Variants in NKAIN1 observed in about 807,000 individuals in gnomAD.
NKAIN1 encodes sodium/potassium transporting ATPase interacting 1.
NKAIN1 carries 13 observed loss-of-function variants against 31.6 expected under a neutral mutation model. The ratio of observed to expected loss-of-function variants is 0.41; its 90% CI spans 0.27 to 0.65. The LOEUF is 0.65. NKAIN1 is among the 30% of genes least tolerant of loss of function. The pLI, the probability that NKAIN1 is intolerant of heterozygous loss-of-function variation, is 0.30. For missense variants in NKAIN1, 193 were observed against 262.2 expected (o/e 0.74, Z 1.82); for synonymous variants, 104 against 109.0 (o/e 0.95, Z 0.28).
At chr1:31,211,204 A>G (rs1645466336) in intron 1 of NKAIN1, among the ~76,000 whole-genome samples, 1 of 152,176 alleles carries the variant, frequency 6.6e-6, no homozygotes, top group Admixed American at 6.6e-5. Context: ...ACTGGAAAAG[A>G]AGAAGTAAAA....
At chr1:31,190,244 G>A (rs984588360) in intron 1 of NKAIN1, among the ~76,000 whole-genome samples, 2 of 152,226 alleles carry the variant, frequency 1.3e-5, no homozygotes, top group Non-Finnish European at 2.9e-5. Flanking sequence ...GGAAGCTGCA[G>A]GCTTGGGTAA....
rs1256036021 is a variant in NKAIN1 at position 31,181,902 on chromosome 1, G to A, written c.572C>T (p.Ala191Val). ...IGGFDSYGYQ[A>V]PQKTSHLQLQ... ...CTGTAAATGCGACGTCTTCTGGGGC[G>A]CCTGGTATCCGTAGGAGTCAAAGCC... Residue 191 changes from alanine to valine, a missense_variant, in exon 6 of 7, where the codon GCG (alanine) becomes GTG (valine). Coordinates refer to ENST00000373736, the MANE Select transcript of NKAIN1 (RefSeq NM_024522.3). 1.2e-6 allele frequency: 2 copies of A among 1,608,040 alleles called. No individual in the cohort carries two copies. The highest frequency in any genetic ancestry group is 1.1e-5 in the South Asian group (1 of 89,800).
At chr1:31,193,092 G>A (rs1421149627) in intron 1 of NKAIN1, among the ~76,000 whole-genome samples, 39 of 149,254 alleles carry the variant, frequency 2.6e-4, no homozygotes, top group Admixed American at 2.3e-3. Context: ...TTTTTGAGAC[G>A]GAGTCTCACT....
rs750894546 is a variant in NKAIN1 at position 31,197,819 on chromosome 1, T to A, written c.55-9632A>T. ...ACCGTGGCCTCCCAAAGTGTTGGGA[T>A]TACAGGCATGAGCCACTGCACCTGG... is the stretch of plus-strand genomic sequence containing the variant. On this transcript the variant is annotated intron_variant, in intron 1 of 6. Coordinates refer to ENST00000373736, the MANE Select transcript of NKAIN1 (RefSeq NM_024522.3). Among the ~76,000 whole-genome samples, 39 of 152,168 alleles carry A rather than the reference T, an allele frequency of 2.6e-4. 1 individual carries two copies. The highest frequency in any genetic ancestry group is 1.2e-3 in the Admixed American group (18 of 15,272).
intron 1 of NKAIN1, among the ~76,000 whole-genome samples, chr1:31,215,753 C>T (rs1645507121): frequency 1.3e-5 from 2 of 152,184 alleles, no homozygotes; most frequent in South Asian, 4.1e-4. Context: ...AAGAAGGAAT[C>T]ATGGCAGAGG....
rs879144869 is a variant in NKAIN1 at position 31,182,457 on chromosome 1, G to A, written c.532+73C>T. ...CCTGGGCTCCCTCCCGCCGGGGCCA[G>A]TCACAGGCCTCTGTCCAGGGTGCTG... On this transcript the variant is annotated intron_variant, in intron 5 of 6. Transcript: ENST00000373736. The A allele has an allele frequency of 3.8e-5, 60 of 1,559,940 alleles. 1 individual carries two copies. The South Asian group carries it at 6.5e-4, about 17-fold the overall frequency.
chr1:31,183,912 C>T lies in NKAIN1; in HGVS notation c.376G>A (p.Ala126Thr). The stretch of plus-strand genomic sequence containing the variant: ...GAGATGACATGGTGGTCCTCCAGAG[C>T]CAGGCGGGAGTTCAGAACAGGTGTC... ...LVTPVLNSRL[A>T]LEDHHVISVT... is the part of the protein sequence containing the mutation. The change falls in exon 4 of 7, where the codon GCT (alanine) becomes ACT (threonine). Residue 126 changes from alanine (A) to threonine (T), a missense_variant. Physicochemically the swap from Ala to Thr is moderately conservative, Grantham distance 58. Transcript: ENST00000373736. 6.2e-7 allele frequency: 1 copy of T among 1,614,094 alleles called. No individual in the cohort carries two copies. Among genetic ancestry groups the T allele is most frequent in the African/African-American group, 1.3e-5 (1 of 75,006 alleles).
chr1:31,184,099 CGGTGAAG>C, intron 3 of NKAIN1, 85 bp from the exon 4 acceptor site: 1 of 1,240,156 alleles, frequency 8.1e-7, no homozygotes, highest in South Asian at 1.4e-5. Flanking sequence ...CTATATTGAT[CGGTGAAG>C]GGATTCAGGG....
intron 1 of NKAIN1, among the ~76,000 whole-genome samples, chr1:31,232,854 G>A (rs1388267975): frequency 6.6e-6 from 1 of 151,992 alleles, no homozygotes; most frequent in Non-Finnish European, 1.5e-5. Flanking sequence ...ATTATCTCCT[G>A]TTTCCTTGGA....
chr1:31,216,717 T>TATTTATTG (rs1645516326), intron 1 of NKAIN1, among the ~76,000 whole-genome samples: 1 of 151,342 alleles, frequency 6.6e-6, no homozygotes. Context: ...TTTATTTATT[T>TATTTATTG]ATTTATTTAT....
At chr1:31,222,203 C>T (rs189268021) in intron 1 of NKAIN1, among the ~76,000 whole-genome samples, 102 of 152,266 alleles carry the variant, frequency 6.7e-4, no homozygotes, top group African/African-American at 1.8e-3. Flanking sequence ...AGATTGCTTG[C>T]GCAGGCTGGG....
At chr1:31,200,759 G>A (rs1305849638) in intron 1 of NKAIN1, among the ~76,000 whole-genome samples, 10 of 152,004 alleles carry the variant, frequency 6.6e-5, no homozygotes, top group African/African-American at 4.8e-5. Flanking sequence ...CACTGTGCCC[G>A]GCCACATTTA....
chr1:31,230,475 A>C (rs1645639381), intron 1 of NKAIN1, among the ~76,000 whole-genome samples: 1 of 152,194 alleles, frequency 6.6e-6, no homozygotes, highest in Non-Finnish European at 1.5e-5. Flanking sequence ...CCAGGAGGCC[A>C]ATGTAAATCA....
intron 1 of NKAIN1, among the ~76,000 whole-genome samples, chr1:31,201,389 C>G (rs1645378903): frequency 7.0e-6 from 1 of 141,902 alleles, no homozygotes; most frequent in East Asian, 2.0e-4. Context: ...GACGGAGTCT[C>G]TCTCTGTCGC....
rs912794898 is a variant in NKAIN1 at position 31,181,707 on chromosome 1, C to G, written c.620G>C (p.Gly207Ala). ...GGGGTGGGCGCGGGGCAGAGGCTAC[C>G]CCGACCTGCGGGAAACAAAGGCAGG... ...HLQLQPLYTS[G>A] is the part of the protein sequence containing the mutation. Residue 207 changes from glycine (G) to alanine (A), a missense_variant, in exon 7 of 7, where the codon GGG (glycine) becomes GCG (alanine). Transcript: ENST00000373736. 7 of 1,484,500 alleles carry G rather than the reference C, an allele frequency of 4.7e-6. No individual in the cohort carries two copies. The African/African-American group carries it at 7.0e-5, about 15-fold the overall frequency. 92.0% of individuals were successfully genotyped at this position (1,484,500 alleles called of 1,614,324 possible). A position where few individuals can be genotyped will look rare whatever the true frequency, so the allele number is the denominator to read the frequency against.
chr1:31,229,975 T>A (rs1445691353), intron 1 of NKAIN1, among the ~76,000 whole-genome samples: 1 of 152,148 alleles, frequency 6.6e-6, no homozygotes, highest in African/African-American at 2.4e-5. Context: ...TCTCCCTGCA[T>A]TATCTCAGGT....
chr1:31,196,897 C>G (rs1645331608), intron 1 of NKAIN1, among the ~76,000 whole-genome samples: 1 of 152,116 alleles, frequency 6.6e-6, no homozygotes, highest in South Asian at 2.1e-4. Flanking sequence ...GAGTCAGAAT[C>G]CTGGTGTGCT....
Position 31,181,643 on chromosome 1 carries a change from G to A in NKAIN1, c.*60C>T, listed in dbSNP as rs904320789. The A allele has an allele frequency of 9.8e-6, 14 of 1,422,326 alleles. No individual in the cohort carries two copies. Among genetic ancestry groups the A allele is most frequent in the African/African-American group, 1.5e-5 (1 of 68,804 alleles). The allele number at this position is 1,422,326 out of a possible 1,614,324, so 88.1% of individuals were successfully genotyped here. A position where few individuals can be genotyped will look rare whatever the true frequency, so the allele number is the denominator to read the frequency against. Reference sequence around the variant, plus strand: ...GGGGGACACGCCTGCGCCTTGGCCCGAGCTCGCGGCAGCTGCGGTCAGCCC... The same window carrying A: ...GGGGGACACGCCTGCGCCTTGGCCCAAGCTCGCGGCAGCTGCGGTCAGCCC... On this transcript the variant is annotated 3_prime_UTR_variant, in exon 7 of 7. Coordinates refer to ENST00000373736, the MANE Select transcript of NKAIN1 (RefSeq NM_024522.3).
chr1:31,209,598 T>A (rs1457263321), intron 1 of NKAIN1, among the ~76,000 whole-genome samples: 1 of 152,022 alleles, frequency 6.6e-6, no homozygotes, highest in Non-Finnish European at 1.5e-5. Flanking sequence ...GCAGCATTGC[T>A]TCAGCCCAGG....
Sources: gnomAD v4.1 joint callset for allele counts (sites outside exome capture counted in the v4.1 genomes callset) on GRCh38, gnomAD v4.1.1 for gene constraint, MANE v1.5 for transcripts, NCBI Gene and HGNC (gene_info 2026-07-23, HGNC 2026-07-21) for gene names.